PYCR3: variants seen among roughly 807,000 people sequenced by gnomAD.
PYCR3 encodes pyrroline-5-carboxylate reductase 3.
In PYCR3, 26 loss-of-function variants were observed where a neutral mutation model predicts 23.4. The ratio of observed to expected loss-of-function variants is 1.11; its 90% CI spans 0.81 to 1.54. PYCR3 has a LOEUF of 1.54. PYCR3 is among the 40% of genes most tolerant of loss of function. The pLI is 0.00. For synonymous variants in PYCR3, 194 were observed against 162.6 expected (o/e 1.19, Z -1.47); for missense variants, 360 against 376.3 (o/e 0.96, Z 0.36).
chr8:143,605,537 C>T lies in PYCR3; in HGVS notation c.*163G>A. Reference sequence around the variant, plus strand: ...GTCCCCACTGGTCGGGGCTCCCCCGCCTGCTGGAACCTCCCAAGTCCTGCC... The same window carrying T: ...GTCCCCACTGGTCGGGGCTCCCCCGTCTGCTGGAACCTCCCAAGTCCTGCC... On this transcript the variant is annotated 3_prime_UTR_variant, in exon 6 of 6. Coordinates refer to ENST00000495276, the MANE Select transcript of PYCR3 (RefSeq NM_023078.6). 2 of 676,740 alleles carry T rather than the reference C, an allele frequency of 3.0e-6. No homozygotes were observed. Among genetic ancestry groups the T allele is most frequent in the East Asian group, 5.5e-5 (2 of 36,186 alleles). The allele number at this position is 676,740 out of a possible 1,614,324, so 41.9% of individuals were successfully genotyped here. A position where few individuals can be genotyped will look rare whatever the true frequency, so the allele number is the denominator to read the frequency against.
chr8:143,607,166 G>T (rs1035700015), intron 2 of PYCR3, 34 bp from the exon 3 acceptor site: 4 of 1,500,922 alleles, frequency 2.7e-6, no homozygotes, highest in Admixed American at 4.3e-5. Flanking sequence ...AGCCTCAGGG[G>T]CCATGTAAGC....
Position 143,603,305 on chromosome 8 carries a change from T to C in PYCR3, c.*2395A>G, listed in dbSNP as rs369329576. On this transcript the variant is annotated 3_prime_UTR_variant, in exon 6 of 6. Transcript: ENST00000495276. ...ACCCCCTAGATTAACAGTTGGGGCA[T>C]AGGGCATAAAAGTGGAACATTGATC... The C allele has an allele frequency of 6.6e-6, 1 of 152,266 alleles. No individual in the cohort carries two copies. Among genetic ancestry groups the C allele is most frequent in the Non-Finnish European group, 1.5e-5 (1 of 68,050 alleles). The allele number at this position is 152,266 out of a possible 1,614,324, so 9.4% of individuals were successfully genotyped here.
intron 4 of PYCR3, 64 bp downstream of exon 4, chr8:143,606,403 A>G: frequency 6.5e-7 from 1 of 1,547,288 alleles, no homozygotes; most frequent in Non-Finnish European, 8.9e-7. Flanking sequence ...AGGCTGTCAG[A>G]GGGACTGGGG....
chr8:143,608,958 T>C (rs1829472769), intron 1 of PYCR3: 6 of 453,234 alleles, frequency 1.3e-5, no homozygotes, highest in Non-Finnish European at 2.2e-5. Flanking sequence ...GAGGAGTATA[T>C]GGTCAGCATA....
intron 2 of PYCR3, 33 bp from the exon 3 acceptor site, chr8:143,607,165 G>A: frequency 1.3e-6 from 2 of 1,505,632 alleles, no homozygotes; most frequent in South Asian, 1.3e-5. Context: ...AAGCCTCAGG[G>A]GCCATGTAAG....
rs1004161478 is a variant in PYCR3 at position 143,603,489 on chromosome 8, G to GTGGC, written c.*2207_*2210dup. Among the ~76,000 whole-genome samples the GTGGC allele has an allele frequency of 6.6e-6, 1 of 152,232 alleles. No individual in the cohort carries two copies. Among genetic ancestry groups the GTGGC allele is most frequent in the Non-Finnish European group, 1.5e-5 (1 of 68,034 alleles). ...CAGGCCCTCACCAGCTGGGCCAGGA[G>GTGGC]TGGCTGGCTTGGGATCTCCACCTCC... On this transcript the variant is annotated 3_prime_UTR_variant, in exon 6 of 6. Coordinates refer to ENST00000495276, the MANE Select transcript of PYCR3 (RefSeq NM_023078.6).
chr8:143,607,699 GACAT>G (rs1829441872), intron 2 of PYCR3, among the ~76,000 whole-genome samples: 1 of 151,934 alleles, frequency 6.6e-6, no homozygotes, highest in Non-Finnish European at 1.5e-5. Flanking sequence ...CACATGCACT[GACAT>G]ACATGCACTC....
chr8:143,607,891 T>G (rs1318060848), intron 2 of PYCR3, among the ~76,000 whole-genome samples, 171 bp downstream of exon 2: 2 of 152,146 alleles, frequency 1.3e-5, no homozygotes, highest in Non-Finnish European at 2.9e-5. Flanking sequence ...CTCCACAACC[T>G]TACTTTCCTC....
rs761283149 is a variant in PYCR3 at position 143,605,786 on chromosome 8, C to T, written c.739G>A (p.Ala247Thr). ...GCTCGCAGCCCGCCCTGCTCCAGGGCGTGGAGTCCATAGATGGTGGTGCCA... is the reference window on the plus strand; with the variant it reads ...GCTCGCAGCCCGCCCTGCTCCAGGGTGTGGAGTCCATAGATGGTGGTGCCA... ...PGGTTIYGLHALEQGGLRAAT... is the reference protein window; with the variant it reads ...PGGTTIYGLHTLEQGGLRAAT... The change falls in exon 6 of 6, where the codon GCC (alanine) becomes ACC (threonine). Residue 247 changes from alanine (A) to threonine (T), a missense_variant. Transcript: ENST00000495276. The T allele has an allele frequency of 4.3e-5, 70 of 1,612,008 alleles. No individual in the cohort carries two copies. In the South Asian group the frequency reaches 6.3e-4, roughly 14 times the overall value.
Position 143,606,152 on chromosome 8 carries a change from C to A in PYCR3, c.552G>T (p.Val184=), listed in dbSNP as rs773276565. The A allele has an allele frequency of 1.2e-6, 2 of 1,606,746 alleles. No individual in the cohort carries two copies. Among genetic ancestry groups the A allele is most frequent in the African/African-American group, 2.7e-5 (2 of 74,842 alleles). The part of the protein sequence containing the change: ...TGLSGSGVAF[V]CAFSEALAEG... Reference sequence around the variant, plus strand: ...CAGCCAGGGCCTCGGAGAATGCACACACCTGTAGCCGCGGCATGGTGGTTG... The same window carrying A: ...CAGCCAGGGCCTCGGAGAATGCACAAACCTGTAGCCGCGGCATGGTGGTTG... The change falls in exon 5 of 6, where the codon GTG becomes GTT. Residue 184 remains valine, a splice_region_variant and synonymous_variant. Transcript: ENST00000495276.
At position 143,604,540 on chromosome 8, in the gene PYCR3, C is replaced by T. The variant is rs1393030535; in HGVS notation, c.*1160G>A. ...AGGGAGATGGCACAGCAGGACCCGC[C>T]GCCCAGCCTCGCTGAGGGCATGCTC... On this transcript the variant is annotated 3_prime_UTR_variant, in exon 6 of 6. Transcript: ENST00000495276. 4.9e-5 allele frequency: 14 copies of T among 288,550 alleles called. No individual in the cohort carries two copies. The highest frequency in any genetic ancestry group is 1.0e-4 in the Admixed American group (2 of 19,556). The allele number at this position is 288,550 out of a possible 1,614,324, so 17.9% of individuals were successfully genotyped here.
Position 143,605,107 on chromosome 8 carries a change from C to T in PYCR3, c.*593G>A, listed in dbSNP as rs1295839028. ...CTTAGCAGGGGATGAGCACGCCCACCACAGCCACCCTCTTCTCCAGGCTGC... is the reference window on the plus strand; with the variant it reads ...CTTAGCAGGGGATGAGCACGCCCACTACAGCCACCCTCTTCTCCAGGCTGC... On this transcript the variant is annotated 3_prime_UTR_variant, in exon 6 of 6. Coordinates refer to ENST00000495276, the MANE Select transcript of PYCR3 (RefSeq NM_023078.6). 5.5e-6 allele frequency: 2 copies of T among 363,634 alleles called. No individual in the cohort carries two copies. Among genetic ancestry groups the T allele is most frequent in the Non-Finnish European group, 1.1e-5 (2 of 184,110 alleles). 22.5% of individuals were successfully genotyped at this position (363,634 alleles called of 1,614,324 possible).
chr8:143,606,862 CCT>C (rs1216460997), intron 3 of PYCR3, 89 bp downstream of exon 3: 28 of 1,450,262 alleles, frequency 1.9e-5, no homozygotes, highest in Non-Finnish European at 2.3e-5. Context: ...CACACGGCCA[CCT>C]CTCAGGCTCT....
rs746879930 is a variant in PYCR3 at position 143,605,709 on chromosome 8, G to A, written c.816C>T (p.Ser272=). The A allele has an allele frequency of 3.1e-6, 5 of 1,598,180 alleles. No individual in the cohort carries two copies. Among genetic ancestry groups the A allele is most frequent in the Non-Finnish European group, 4.3e-6 (5 of 1,169,190 alleles). The change falls in exon 6 of 6, where the codon AGC becomes AGT. Residue 272 remains serine (S), a synonymous_variant. Coordinates refer to ENST00000495276, the MANE Select transcript of PYCR3 (RefSeq NM_023078.6). ...EAATCRAKEL[S]RK is the part of the protein sequence containing the mutation. ...ATGGCCAGAGCCCAGCCTACTTTCTGCTGAGCTCCTTGGCCCGGCAGGTGG... is the reference window on the plus strand; with the variant it reads ...ATGGCCAGAGCCCAGCCTACTTTCTACTGAGCTCCTTGGCCCGGCAGGTGG...
chr8:143,608,710 C>A, intron 1 of PYCR3: 1 of 390,604 alleles, frequency 2.6e-6, no homozygotes, highest in Non-Finnish European at 5.3e-6. Context: ...ATGACAGTGG[C>A]AGCCAAACAC....
At chr8:143,607,613 C>T (rs1458898099) in intron 2 of PYCR3, among the ~76,000 whole-genome samples, 1 of 152,120 alleles carries the variant, frequency 6.6e-6, no homozygotes, top group African/African-American at 2.4e-5. Context: ...GGCACACATG[C>T]ACAAGCACAT....
At position 143,607,050 on chromosome 8, in the gene PYCR3, A is replaced by C; in HGVS notation, c.239T>G (p.Val80Gly). Residue 80 changes from valine to glycine, a missense_variant, in exon 3 of 6, where the codon GTG becomes GGG. By Grantham distance (109) the Val-to-Gly change is moderately radical. Transcript: ENST00000495276. ...LLVIFATKPH[V>G]LPAVLAEVAP... ...CACCTCTGCCAGGACAGCTGGCAGC[A>C]CATGAGGCTTGGTGGCAAAGATGAC... 6.2e-7 allele frequency: 1 copy of C among 1,613,238 alleles called. No individual in the cohort carries two copies. The highest frequency in any genetic ancestry group is 1.7e-4 in the Middle Eastern group (1 of 6,056).
intron 3 of PYCR3, 73 bp downstream of exon 3, chr8:143,606,880 G>T: frequency 6.7e-7 from 1 of 1,492,220 alleles, no homozygotes; most frequent in Non-Finnish European, 9.0e-7. Flanking sequence ...GCTCTCTGGG[G>T]GGCTGCCTGC....
At chr8:143,608,627 A>G (rs1829463357) in intron 1 of PYCR3, 1 of 320,632 alleles carries the variant, frequency 3.1e-6, no homozygotes, top group African/African-American at 2.2e-5. Context: ...GGGTGGAAAG[A>G]TTGGGTTAGA....
Sources: gnomAD v4.1 joint callset for allele counts (sites outside exome capture counted in the v4.1 genomes callset) on GRCh38, gnomAD v4.1.1 for gene constraint, MANE v1.5 for transcripts, NCBI Gene and HGNC (gene_info 2026-07-23, HGNC 2026-07-21) for gene names.